GALNT5: variants seen among roughly 807,000 people sequenced by gnomAD.
The protein encoded by GALNT5 is UDP-GalNAc:polypeptide N-acetylgalactosaminyltransferase 5.
GALNT5 carries 72 observed loss-of-function variants against 85.4 expected under a neutral mutation model. The observed-to-expected ratio is 0.84, with a 90% confidence interval of 0.70 to 1.03. The LOEUF (loss-of-function observed/expected upper bound fraction) is 1.03. Ranked by LOEUF, GALNT5 falls within the 50% of genes least tolerant of loss-of-function variation. GALNT5 has a pLI of 0.00. For missense variants in GALNT5, 1,137 were observed against 1,135.5 expected, an observed-to-expected ratio of 1.00 and a Z score of -0.02; for synonymous variants, 404 against 397.0, an observed-to-expected ratio of 1.02 and a Z score of -0.21.
rs1290168425 is a variant in GALNT5 at position 157,300,434 on chromosome 2, T to TA, written c.2116-234dup. 9.9e-5 allele frequency among the ~76,000 whole-genome samples: 15 copies of TA among 152,018 alleles called. No homozygotes were observed. In the South Asian group the frequency reaches 2.3e-3, roughly 23 times the overall value. ...ATTCTGTGAAGATTTATTTACAAAT[T>TA]AAAAAAAACTTACATTGAAAGTTAG... On this transcript the variant is annotated intron_variant, in intron 6 of 9. Transcript: ENST00000259056.
At chr2:157,283,696 AC>A (rs111987245) in intron 1 of GALNT5, among the ~76,000 whole-genome samples, 25,409 of 152,166 alleles carry the variant, frequency 0.17, 4,726 homozygotes, top group African/African-American at 0.46. Flanking sequence ...CCACTTGGGA[AC>A]ATTAAATAAG....
chr2:157,284,243 T>C, intron 1 of GALNT5, 39 bp from the exon 2 acceptor site: 1 of 1,580,626 alleles, frequency 6.3e-7, no homozygotes. Context: ...GTGGATCTCC[T>C]TAGCACATCT....
Position 157,258,153 on chromosome 2 carries a change from T to G in GALNT5, c.71T>G (p.Ile24Ser). 6.2e-7 allele frequency: 1 copy of G among 1,614,104 alleles called. No homozygotes were observed. Among genetic ancestry groups the G allele is most frequent in the Middle Eastern group, 1.6e-4 (1 of 6,062 alleles). The change falls in exon 1 of 10, where the codon ATC becomes AGC. Residue 24 changes from isoleucine (I) to serine (S), a missense_variant. Transcript: ENST00000259056. ...GCATTTATCTTTGTAGCTTCTGTCA[T>G]CTGGCTCCTCTTTGACATGGCAGCT... ...VLAFIFVASVIWLLFDMAALR... is the reference protein window; with the variant it reads ...VLAFIFVASVSWLLFDMAALR...
chr2:157,285,108 T>C (rs887359155), intron 2 of GALNT5, among the ~76,000 whole-genome samples: 3 of 152,166 alleles, frequency 2.0e-5, no homozygotes, highest in Non-Finnish European at 4.4e-5. Context: ...CAGAAAAGTT[T>C]AGAAAATAGC....
chr2:157,273,224 T>C (rs1682631041), intron 1 of GALNT5, among the ~76,000 whole-genome samples: 1 of 152,176 alleles, frequency 6.6e-6, no homozygotes, highest in Non-Finnish European at 1.5e-5. Context: ...AATCTTATTT[T>C]GGAGATGTTC....
intron 1 of GALNT5, among the ~76,000 whole-genome samples, chr2:157,261,530 T>C (rs1682339499): frequency 6.6e-6 from 1 of 152,158 alleles, no homozygotes; most frequent in African/African-American, 2.4e-5. Flanking sequence ...CTCCCTCTTA[T>C]CACATAACCC....
chr2:157,274,435 C>T (rs1001949669), intron 1 of GALNT5, among the ~76,000 whole-genome samples: 1 of 152,208 alleles, frequency 6.6e-6, no homozygotes, highest in African/African-American at 2.4e-5. Flanking sequence ...AACTAGTTTA[C>T]AGTCCCACCA....
intron 1 of GALNT5, among the ~76,000 whole-genome samples, chr2:157,277,852 G>A (rs1682770276): frequency 6.6e-6 from 1 of 152,162 alleles, no homozygotes; most frequent in Non-Finnish European, 1.5e-5. Context: ...GTTTGAATTT[G>A]ATCCTTTCAT....
chr2:157,275,422 G>C (rs567038865), intron 1 of GALNT5, among the ~76,000 whole-genome samples: 34 of 152,282 alleles, frequency 2.2e-4, no homozygotes, highest in Middle Eastern at 3.4e-3. Flanking sequence ...ACTATGGGCA[G>C]TATGGCCATT....
intron 1 of GALNT5, among the ~76,000 whole-genome samples, chr2:157,271,502 C>T (rs1419342417): frequency 2.0e-5 from 3 of 152,104 alleles, no homozygotes; most frequent in Non-Finnish European, 2.9e-5. Flanking sequence ...AGTGGATGCT[C>T]AAGAGCTAGG....
intron 3 of GALNT5, among the ~76,000 whole-genome samples, chr2:157,290,623 A>C (rs1477815630): frequency 6.6e-6 from 1 of 152,124 alleles, no homozygotes; most frequent in East Asian, 1.9e-4. Context: ...TGCCTCGCCA[A>C]ACAAGGAGTT....
intron 7 of GALNT5, among the ~76,000 whole-genome samples, chr2:157,305,177 G>C (rs1683428183): frequency 6.6e-6 from 1 of 152,148 alleles, no homozygotes; most frequent in African/African-American, 2.4e-5. Context: ...CTGGGGGCCT[G>C]CCAGAAAGTG....
At chr2:157,295,582 T>C (rs1039696309) in intron 3 of GALNT5, 81 bp from the exon 4 acceptor site, 1 of 1,060,832 alleles carries the variant, frequency 9.4e-7, no homozygotes, top group Non-Finnish European at 1.4e-6. Flanking sequence ...TCTGGAGCAA[T>C]CATCAATACC....
At chr2:157,265,025 C>T (rs1682427507) in intron 1 of GALNT5, among the ~76,000 whole-genome samples, 1 of 152,072 alleles carries the variant, frequency 6.6e-6, no homozygotes, top group Non-Finnish European at 1.5e-5. Context: ...AAAAAAAAAC[C>T]TCATGAGATG....
In GALNT5 at chr2:157,283,829, T is replaced by C. The variant is rs528441733; in HGVS notation, c.1455-453T>C. ...ACATTATCACTAGGCTACAAAACTC[T>C]ATTGAATAAGAACCATTTATTACCT... On this transcript the variant is annotated intron_variant, in intron 1 of 9. Coordinates refer to ENST00000259056, the MANE Select transcript of GALNT5 (RefSeq NM_014568.3). Among the ~76,000 whole-genome samples, 6 of 152,188 alleles carry C rather than the reference T, an allele frequency of 3.9e-5. No homozygotes were observed. The South Asian group carries it at 1.2e-3, about 32-fold the overall frequency.
At chr2:157,261,814 TTTTTTG>T (rs1235452804) in intron 1 of GALNT5, among the ~76,000 whole-genome samples, 5 of 152,176 alleles carry the variant, frequency 3.3e-5, no homozygotes, top group African/African-American at 9.7e-5. Flanking sequence ...ATTTGGAGTG[TTTTTTG>T]TTTTTGTTTT....
chr2:157,301,096 A>C (rs1683333821), intron 7 of GALNT5, 97 bp downstream of exon 7: 5 of 838,156 alleles, frequency 6.0e-6, no homozygotes, highest in Non-Finnish European at 9.4e-6. Context: ...TACATTATAA[A>C]TAAACACCAA....
chr2:157,283,163 G>A (rs1266517212), intron 1 of GALNT5, among the ~76,000 whole-genome samples: 1 of 152,170 alleles, frequency 6.6e-6, no homozygotes, highest in Non-Finnish European at 1.5e-5. Context: ...CAGAATCATG[G>A]ACTAGTCTTT....
chr2:157,295,655 C>A lies in GALNT5; in HGVS notation c.1742-8C>A. 1 of 1,609,366 alleles carries A rather than the reference C, an allele frequency of 6.2e-7. No individual in the cohort carries two copies. The highest frequency in any genetic ancestry group is 8.5e-7 in the Non-Finnish European group (1 of 1,177,448). On this transcript the variant is annotated splice_region_variant and splice_polypyrimidine_tract_variant and intron_variant, in intron 3 of 9. Transcript: ENST00000259056. ...TTCTAAGTTTTTTGTGTGTGTTTGG[C>A]CCTCTAGGTGATGTGTTGACATTTT...
Sources: allele counts gnomAD v4.1 joint callset (sites outside exome capture counted in the v4.1 genomes callset), GRCh38; gene constraint gnomAD v4.1.1; transcripts MANE v1.5; gene names NCBI Gene and HGNC (gene_info 2026-07-23, HGNC 2026-07-21).